The following PUDP variants were observed in gnomAD, a reference collection of about 807,000 sequenced individuals.
PUDP encodes the protein pseudouridine 5'-phosphatase, also known as pseudouridine-5'-phosphatase.
PUDP carries 8 observed loss-of-function variants against 9.4 expected under a neutral mutation model. The ratio of observed to expected loss-of-function variants is 0.85; its 90% confidence interval spans 0.50 to 1.53. The LOEUF is 1.53. Among genes scored for constraint, PUDP ranks in the 40% most tolerant of loss-of-function variants. The pLI, the probability that PUDP is intolerant of heterozygous loss-of-function variation, is 0.00. For missense variants in PUDP, 188 were observed against 189.7 expected (o/e 0.99, Z 0.05); for synonymous variants, 99 against 80.7 (o/e 1.23, Z -1.22).
intron 1 of PUDP, among the ~76,000 whole-genome samples, chrX:7,034,169 G>C (rs1000541516): frequency 8.9e-6 from 1 of 112,059 alleles, no homozygotes; most frequent in African/African-American, 3.2e-5. Flanking sequence ...GGAATAAAGG[G>C]TATGGATGGG....
downstream of PUDP, among the ~76,000 whole-genome samples, chrX:7,046,180 C>G (rs930554566): frequency 1.8e-5 from 2 of 112,235 alleles, no homozygotes; most frequent in African/African-American, 6.5e-5. Flanking sequence ...CATTAACCAC[C>G]GTAATGTGTC....
chrX:7,102,709 A>T (rs188765584), intron 2 of PUDP, among the ~76,000 whole-genome samples: 1 of 111,227 alleles, frequency 9.0e-6, no homozygotes, highest in Non-Finnish European at 1.9e-5. Context: ...AAAAAAAAAA[A>T]CCCAATTGTT....
downstream of PUDP, among the ~76,000 whole-genome samples, chrX:7,044,969 A>G (rs895732318): frequency 3.6e-5 from 4 of 112,043 alleles, no homozygotes; most frequent in Admixed American, 2.8e-4. Flanking sequence ...AAGGAATGGT[A>G]CCCTTCAGGG....
chrX:6,751,288 G>A (rs1354804982), intron 3 of PUDP, among the ~76,000 whole-genome samples: 2 of 112,038 alleles, frequency 1.8e-5, no homozygotes, highest in African/African-American at 6.5e-5. Context: ...AAGGAAAAGG[G>A]AAGATCAGAT....
intron 1 of PUDP, among the ~76,000 whole-genome samples, chrX:6,710,799 A>T (rs1035482718): frequency 8.9e-6 from 1 of 111,783 alleles, no homozygotes; most frequent in African/African-American, 3.3e-5. Flanking sequence ...TTTCATTTAT[A>T]ATTATTTTTG....
chrX:6,751,950 TTC>T (rs1457948692), intron 3 of PUDP, among the ~76,000 whole-genome samples: 1 of 111,036 alleles, frequency 9.0e-6, no homozygotes, highest in Non-Finnish European at 1.9e-5. Flanking sequence ...GGCCACTTTG[TTC>T]TCTCTCTTCC....
intron 1 of PUDP, among the ~76,000 whole-genome samples, chrX:7,029,490 G>C (rs1244109095): frequency 1.8e-5 from 2 of 112,591 alleles, no homozygotes; most frequent in Admixed American, 1.9e-4. Context: ...GGGAGGAATC[G>C]AACATATCAA....
At chrX:7,026,348 C>T (rs779492730) in intron 1 of PUDP, among the ~76,000 whole-genome samples, 1 of 112,013 alleles carries the variant, frequency 8.9e-6, no homozygotes, top group African/African-American at 3.2e-5. Flanking sequence ...TCTCTTGGGC[C>T]TGCAATGACA....
At chrX:6,950,451 C>T (rs1328707292) in intron 3 of PUDP, among the ~76,000 whole-genome samples, 4 of 86,438 alleles carry the variant, frequency 4.6e-5, no homozygotes, top group Middle Eastern at 7.8e-3. Flanking sequence ...TGCTCTGTTG[C>T]CCAGGCTGGA....
chrX:6,938,786 CTTTTT>C (rs764265665), intron 3 of PUDP, among the ~76,000 whole-genome samples: 12 of 83,430 alleles, frequency 1.4e-4, no homozygotes, highest in African/African-American at 3.1e-4. Context: ...TTCTTTCTTT[CTTTTT>C]TTTTTTTTTT....
chrX:6,933,610 C>G (rs931285679), intron 3 of PUDP, among the ~76,000 whole-genome samples: 2 of 112,065 alleles, frequency 1.8e-5, no homozygotes, highest in African/African-American at 3.2e-5. Flanking sequence ...TCCTCACCAG[C>G]AATGGAACAA....
At position 6,962,307 on chromosome X, in the gene PUDP, G is replaced by A. The variant is rs1301446861; in HGVS notation, c.*247+14826C>T. Among the ~76,000 whole-genome samples, 4 of 112,046 alleles carry A rather than the reference G, an allele frequency of 3.6e-5. 1 individual carries two copies. In the East Asian group the frequency reaches 8.4e-4, roughly 23 times the overall value. On this transcript the variant is annotated intron_variant and NMD_transcript_variant, in intron 3 of 3. Transcript: ENST00000655425. The stretch of plus-strand genomic sequence containing the variant: ...ATAATTTCATCGAATTTGTTTGATT[G>A]AAATACTACACCCCGGTGTTTGAGT...
At chrX:6,941,712 T>C (rs1448914385) in intron 3 of PUDP, among the ~76,000 whole-genome samples, 2 of 111,434 alleles carry the variant, frequency 1.8e-5, no homozygotes, top group African/African-American at 6.5e-5. Context: ...TATTGAGGCA[T>C]AAATAACAAA....
intron 3 of PUDP, among the ~76,000 whole-genome samples, chrX:6,884,877 G>T (rs943252075): frequency 8.9e-6 from 1 of 112,227 alleles, no homozygotes; most frequent in African/African-American, 3.2e-5. Flanking sequence ...GACGTGACTT[G>T]GACCAACCCA....
intron 3 of PUDP, among the ~76,000 whole-genome samples, chrX:6,921,832 C>T (rs1928027838): frequency 9.0e-6 from 1 of 111,325 alleles, no homozygotes; most frequent in Admixed American, 9.6e-5. Context: ...TTTCTTCCTT[C>T]TCTTCCTTCA....
At chrX:7,072,015 T>C (rs1258422306) in intron 3 of PUDP, among the ~76,000 whole-genome samples, 1 of 111,396 alleles carries the variant, frequency 9.0e-6, no homozygotes, top group Non-Finnish European at 1.9e-5. Context: ...AGTCTTTAAC[T>C]CCTGAGCTCA....
At chrX:7,086,091 G>A (rs1931255340) in intron 2 of PUDP, among the ~76,000 whole-genome samples, 1 of 111,524 alleles carries the variant, frequency 9.0e-6, no homozygotes, top group Admixed American at 9.5e-5. Flanking sequence ...CAACTCTGCT[G>A]AGCCCCTGCT....
In PUDP at chrX:6,893,242, T is replaced by A. The variant is rs377052750; in HGVS notation, c.*247+83891A>T. ...GTCAGGTTAGATGAATTGATGCTGATGCCAAGGACGTGACCTTGAACCCGA... is the reference window on the plus strand; with the variant it reads ...GTCAGGTTAGATGAATTGATGCTGAAGCCAAGGACGTGACCTTGAACCCGA... On this transcript the variant is annotated intron_variant and NMD_transcript_variant, in intron 3 of 3. Coordinates refer to the PUDP transcript ENST00000655425. Among the ~76,000 whole-genome samples the A allele has an allele frequency of 2.1e-4, 23 of 111,975 alleles. No individual in the cohort carries two copies. In the East Asian group the frequency reaches 5.3e-3, roughly 26 times the overall value.
At chrX:7,065,714 GT>G (rs1169241637) in intron 3 of PUDP, among the ~76,000 whole-genome samples, 1 of 112,068 alleles carries the variant, frequency 8.9e-6, no homozygotes, top group Middle Eastern at 4.2e-3. Context: ...GGGTGGGAGA[GT>G]TCACGGGCTT....
Sources: allele counts gnomAD v4.1 joint callset (sites outside exome capture counted in the v4.1 genomes callset), GRCh38; gene constraint gnomAD v4.1.1; transcripts MANE v1.5; gene names NCBI Gene and HGNC (gene_info 2026-07-23, HGNC 2026-07-21).